FSIP2: variants seen among roughly 807,000 people sequenced by gnomAD.
FSIP2 encodes the protein fibrous sheath-interacting protein 2.
FSIP2 carries 367 observed loss-of-function variants against 510.5 expected under a neutral mutation model. The ratio of observed to expected loss-of-function variants is 0.72; its 90% confidence interval spans 0.66 to 0.78. The LOEUF (loss-of-function observed/expected upper bound fraction) is 0.78, where lower values mean the gene tolerates loss of function less well. FSIP2 is among the 30% of genes least tolerant of loss of function. The pLI is 0.00. For synonymous variants in FSIP2, 2,601 were observed against 2,732.2 expected (o/e 0.95, Z 1.50); for missense variants, 7,594 against 7,901.7 (o/e 0.96, Z 1.48).
rs1693275088 is a variant in FSIP2 at position 185,796,278 on chromosome 2, A to T, written c.9142A>T (p.Met3048Leu). The T allele has an allele frequency of 6.5e-7, 1 of 1,533,136 alleles. No individual in the cohort carries two copies. 95.0% of individuals were successfully genotyped at this position (1,533,136 alleles called of 1,614,324 possible). A position where few individuals can be genotyped will look rare whatever the true frequency, so the allele number is the denominator to read the frequency against. ...KMLPKLQPLK[M>L]FSDKSESNTI... ...GTTGCCAAAATTACAACCACTGAAAATGTTTTCTGATAAATCCGAGTCAAA... is the reference window on the plus strand; with the variant it reads ...GTTGCCAAAATTACAACCACTGAAATTGTTTTCTGATAAATCCGAGTCAAA... The change falls in exon 16 of 23, where the codon ATG becomes TTG. Residue 3048 changes from methionine to leucine, a missense_variant. Coordinates refer to ENST00000424728, the MANE Select transcript of FSIP2 (RefSeq NM_173651.4).
chr2:185,805,865 T>C lies in FSIP2; in HGVS notation c.16559T>C (p.Val5520Ala). ...ACAGGTGTGACAAATAAAAAGGAAG[T>C]GGATGAAAATAAAGTGGGAATTTGT... ...LATGVTNKKE[V>A]DENKVGICTQ... The change falls in exon 17 of 23, where the codon GTG becomes GCG. Residue 5520 changes from valine (V) to alanine (A), a missense_variant. Transcript: ENST00000424728. 1.2e-6 allele frequency: 2 copies of C among 1,608,426 alleles called. No individual in the cohort carries two copies. Among genetic ancestry groups the C allele is most frequent in the Middle Eastern group, 1.7e-4 (1 of 6,018 alleles).
rs933407201 is a variant in FSIP2 at position 185,761,048 on chromosome 2, A to C, written c.1139A>C (p.Asn380Thr). 4.0e-6 allele frequency: 6 copies of C among 1,507,564 alleles called. No individual in the cohort carries two copies. In the Admixed American group the frequency reaches 8.0e-5, roughly 20 times the overall value. The allele number at this position is 1,507,564 out of a possible 1,614,324, so 93.4% of individuals were successfully genotyped here. The change falls in exon 10 of 23, where the codon AAC (asparagine) becomes ACC (threonine). Residue 380 changes from asparagine to threonine, a missense_variant. By Grantham distance (65) the Asn-to-Thr change is moderately conservative (BLOSUM62 0). Coordinates refer to ENST00000424728, the MANE Select transcript of FSIP2 (RefSeq NM_173651.4). ...QNSSNNFTKK[N>T]SASVVYQADV... ...AGTTCAAATAATTTTACGAAAAAAA[A>C]CTCAGCTTCTGTTGTTTATCAGGCA...
Position 185,793,542 on chromosome 2 carries a change from G to A in FSIP2, c.6406G>A (p.Glu2136Lys). The A allele has an allele frequency of 6.5e-7, 1 of 1,534,284 alleles. No homozygotes were observed. Among genetic ancestry groups the A allele is most frequent in the African/African-American group, 1.4e-5 (1 of 72,988 alleles). ...AGAAGAAAATTCTGAAATGTTCATGGAGGGTGCAAATAAGATTATTCCTAA... is the reference window on the plus strand; with the variant it reads ...AGAAGAAAATTCTGAAATGTTCATGAAGGGTGCAAATAAGATTATTCCTAA... ...HSEENSEMFM[E>K]GANKIIPKLS... Residue 2136 changes from glutamate to lysine, a missense_variant, in exon 16 of 23, where the codon GAG becomes AAG. Coordinates refer to ENST00000424728, the MANE Select transcript of FSIP2 (RefSeq NM_173651.4).
chr2:185,775,232 C>T (rs1459297698), intron 13 of FSIP2, among the ~76,000 whole-genome samples: 6 of 148,684 alleles, frequency 4.0e-5, no homozygotes, highest in Admixed American at 6.7e-5. Context: ...TCCACATCCT[C>T]TCCAGCACCT....
chr2:185,810,145 A>T (rs1693695068), intron 17 of FSIP2, among the ~76,000 whole-genome samples: 1 of 151,886 alleles, frequency 6.6e-6, no homozygotes, highest in Non-Finnish European at 1.5e-5. Flanking sequence ...ACTGAATCTC[A>T]AGGCTAGTAA....
intron 2 of FSIP2, among the ~76,000 whole-genome samples, chr2:185,739,782 CA>C (rs1691885409): frequency 6.6e-6 from 1 of 152,034 alleles, no homozygotes; most frequent in African/African-American, 2.4e-5. Context: ...TACTTAGAAA[CA>C]TGTTTAGAAG....
Position 185,802,433 on chromosome 2 carries a change from C to T in FSIP2, c.13127C>T (p.Ser4376Leu). The T allele has an allele frequency of 6.5e-7, 1 of 1,533,942 alleles. No individual in the cohort carries two copies. ...NTDIVDELAT[S>L]VYRNALKQHG... is the part of the protein sequence containing the mutation. Reference sequence around the variant, plus strand: ...GATATTGTGGATGAACTTGCCACCTCAGTTTATAGAAATGCTTTAAAGCAG... The same window carrying T: ...GATATTGTGGATGAACTTGCCACCTTAGTTTATAGAAATGCTTTAAAGCAG... Residue 4376 changes from serine (S) to leucine (L), a missense_variant, in exon 17 of 23, where the codon TCA (serine) becomes TTA (leucine). By Grantham distance (145) the Ser-to-Leu change is moderately radical. Coordinates refer to ENST00000424728, the MANE Select transcript of FSIP2 (RefSeq NM_173651.4).
chr2:185,767,965 T>C (rs550579716), intron 13 of FSIP2, among the ~76,000 whole-genome samples: 1 of 152,294 alleles, frequency 6.6e-6, no homozygotes, highest in East Asian at 1.9e-4. Flanking sequence ...ACAATGTCTG[T>C]ACAAATTTAC....
chr2:185,815,270 T>G, intron 18 of FSIP2, 101 bp from the exon 19 acceptor site: 1 of 632,644 alleles, frequency 1.6e-6, no homozygotes, highest in Non-Finnish European at 2.8e-6. Context: ...CTCTGGAACT[T>G]TTTTCCATTA....
Position 185,804,719 on chromosome 2 carries a change from A to C in FSIP2, c.15413A>C (p.Glu5138Ala). The change falls in exon 17 of 23, where the codon GAA (glutamate) becomes GCA (alanine). Residue 5138 changes from glutamate to alanine, a missense_variant. Coordinates refer to ENST00000424728, the MANE Select transcript of FSIP2 (RefSeq NM_173651.4). ...HVFPSTHTEN[E>A]LKEKKFPPDD... Reference sequence around the variant, plus strand: ...TTCCCTTCAACTCACACTGAAAATGAACTAAAAGAGAAAAAGTTTCCACCG... The same window carrying C: ...TTCCCTTCAACTCACACTGAAAATGCACTAAAAGAGAAAAAGTTTCCACCG... 1 of 1,530,810 alleles carries C rather than the reference A, an allele frequency of 6.5e-7. No individual in the cohort carries two copies. The highest frequency in any genetic ancestry group is 8.7e-7 in the Non-Finnish European group (1 of 1,144,462). 94.8% of individuals were successfully genotyped at this position (1,530,810 alleles called of 1,614,324 possible).
At chr2:185,763,355 T>A (rs773491101) in intron 12 of FSIP2, 66 bp downstream of exon 12, 2 of 733,512 alleles carry the variant, frequency 2.7e-6, no homozygotes, top group Non-Finnish European at 2.4e-6. Flanking sequence ...ATGGTCATAA[T>A]TGGTATAAAA....
rs1376128317 is a variant in FSIP2 at position 185,800,785 on chromosome 2, G to A, written c.11479G>A (p.Ala3827Thr). The change falls in exon 17 of 23, where the codon GCA becomes ACA. Residue 3827 changes from alanine (A) to threonine (T), a missense_variant. Physicochemically the swap from Ala to Thr is moderately conservative, Grantham distance 58. Coordinates refer to ENST00000424728, the MANE Select transcript of FSIP2 (RefSeq NM_173651.4). ...DYMSDLLENV[A>T]EIDQDLLTSD... ...CATGTCAGACCTTTTGGAGAATGTG[G>A]CAGAAATTGATCAAGACTTATTGAC... is the stretch of plus-strand genomic sequence containing the variant. 6.5e-7 allele frequency: 1 copy of A among 1,534,174 alleles called. No homozygotes were observed. Among genetic ancestry groups the A allele is most frequent in the Non-Finnish European group, 8.7e-7 (1 of 1,145,546 alleles).
upstream of FSIP2, chr2:185,738,601 G>T: frequency 1.3e-6 from 2 of 1,535,678 alleles, no homozygotes; most frequent in Non-Finnish European, 1.7e-6. Context: ...GTTAGGATTG[G>T]CTAAGGCGTG....
intron 18 of FSIP2, 152 bp downstream of exon 18, chr2:185,814,194 A>AATAGCAGAACAAATAACAAAT: frequency 5.3e-6 from 4 of 751,270 alleles, no homozygotes; most frequent in Non-Finnish European, 8.3e-6. Context: ...AATTATTACC[A>AATAGCAGAACAAATAACAAAT]GGTACAGCTA....
chr2:185,805,641 A>G lies in FSIP2; in HGVS notation c.16335A>G (p.Ser5445=). The change falls in exon 17 of 23, where the codon TCA becomes TCG. Residue 5445 remains serine (S), a synonymous_variant. Coordinates refer to ENST00000424728, the MANE Select transcript of FSIP2 (RefSeq NM_173651.4). ...ACCAACTTTCTTTACCAGATCAATC[A>G]TATAAAGATACTTCTTCCACCCCAG... ...KENQLSLPDQ[S]YKDTSSTPDC... The G allele has an allele frequency of 6.2e-7, 1 of 1,610,508 alleles. No homozygotes were observed. Among genetic ancestry groups the G allele is most frequent in the South Asian group, 1.1e-5 (1 of 90,670 alleles).
intron 11 of FSIP2, among the ~76,000 whole-genome samples, chr2:185,762,966 A>G (rs1344035647): frequency 6.6e-6 from 1 of 151,502 alleles, no homozygotes; most frequent in Non-Finnish European, 1.5e-5. Context: ...CTTTGAAGGC[A>G]ATGGGAACCA....
chr2:185,773,073 C>T (rs2105578830), intron 13 of FSIP2, among the ~76,000 whole-genome samples: 1 of 152,122 alleles, frequency 6.6e-6, no homozygotes, highest in East Asian at 1.9e-4. Context: ...ATTGCCCAGG[C>T]TGTTCTCAAA....
chr2:185,742,276 G>A (rs1691938866), intron 2 of FSIP2, among the ~76,000 whole-genome samples: 2 of 152,054 alleles, frequency 1.3e-5, no homozygotes, highest in Admixed American at 6.5e-5. Context: ...TCTTGCTATT[G>A]AAAAACTGAG....
chr2:185,746,879 T>C (rs1034916904), intron 6 of FSIP2, 69 bp downstream of exon 6: 76 of 1,116,014 alleles, frequency 6.8e-5, no homozygotes, highest in Non-Finnish European at 3.8e-5. Flanking sequence ...TAAATAATTT[T>C]AACTGTACAT....
Sources: gnomAD v4.1 joint callset for allele counts (sites outside exome capture counted in the v4.1 genomes callset) on GRCh38, gnomAD v4.1.1 for gene constraint, MANE v1.5 for transcripts, NCBI Gene and HGNC (gene_info 2026-07-23, HGNC 2026-07-21) for gene names.